MRPL48: variants seen among roughly 807,000 people sequenced by gnomAD.
MRPL48 encodes mitochondrial ribosomal protein L48.
In MRPL48, 16 loss-of-function variants were observed where a neutral mutation model predicts 32.9. The ratio of observed to expected loss-of-function variants is 0.49; its 90% CI spans 0.33 to 0.74. The LOEUF is 0.74. Among genes scored for constraint, MRPL48 ranks in the 30% least tolerant of loss-of-function variants. The probability of loss-of-function intolerance (pLI) is 0.02; values close to 1 mark genes in which losing one functional copy is unlikely to be tolerated. For missense variants in MRPL48, 206 were observed against 245.3 expected (o/e 0.84, Z 1.07); for synonymous variants, 94 against 89.2 (o/e 1.05, Z -0.31).
intron 3 of MRPL48, among the ~76,000 whole-genome samples, 161 bp downstream of exon 3, chr11:73,808,511 C>T (rs1011387279): frequency 1.3e-5 from 2 of 152,208 alleles, no homozygotes; most frequent in African/African-American, 4.8e-5. Context: ...TGGGTGAGAA[C>T]ATCAAGTAGT....
intron 1 of MRPL48, among the ~76,000 whole-genome samples, chr11:73,802,841 A>G (rs1429657857): frequency 6.6e-6 from 1 of 152,074 alleles, no homozygotes; most frequent in Non-Finnish European, 1.5e-5. Flanking sequence ...CTGGGATCAC[A>G]GGTGTGCACC....
intron 7 of MRPL48, 139 bp downstream of exon 7, chr11:73,863,400 C>T (rs1043948469): frequency 2.7e-6 from 2 of 739,666 alleles, no homozygotes; most frequent in Non-Finnish European, 4.4e-6. Flanking sequence ...AAAAGTTGTA[C>T]ACTCTGATGA....
chr11:73,796,138 C>T (rs1947250295), intron 1 of MRPL48, among the ~76,000 whole-genome samples: 1 of 152,178 alleles, frequency 6.6e-6, no homozygotes, highest in South Asian at 2.1e-4. Context: ...CGAGTTGGGG[C>T]GGTGCCCAAG....
intron 4 of MRPL48, among the ~76,000 whole-genome samples, chr11:73,831,071 C>T (rs1374940758): frequency 6.6e-6 from 1 of 151,998 alleles, no homozygotes; most frequent in African/African-American, 2.4e-5. Flanking sequence ...AACTCCTGAC[C>T]TCAGGTGATC....
In MRPL48 at chr11:73,844,949, A is replaced by G. The variant is rs973702732; in HGVS notation, c.344A>G (p.Asn115Ser). ...GCCCAGTATGTTCACAACCTCTGCA[A>G]CTCTCTCTCCATTAAAGTCGAGGAA... is the stretch of plus-strand genomic sequence containing the variant. ...SYAQYVHNLC[N>S]SLSIKVEESY... Residue 115 changes from asparagine (N) to serine (S), a missense_variant, in exon 5 of 8, where the codon AAC (asparagine) becomes AGC (serine). Transcript: ENST00000310614. 24 of 1,610,304 alleles carry G rather than the reference A, an allele frequency of 1.5e-5. No homozygotes were observed. The Admixed American group carries it at 1.5e-4, about 10-fold the overall frequency.
At chr11:73,820,355 G>A (rs1337152091) in intron 3 of MRPL48, among the ~76,000 whole-genome samples, 1 of 152,122 alleles carries the variant, frequency 6.6e-6, no homozygotes, top group South Asian at 2.1e-4. Flanking sequence ...TTCCTGAGTA[G>A]CAGGGACTAC....
intron 3 of MRPL48, among the ~76,000 whole-genome samples, chr11:73,810,686 T>C (rs996123614): frequency 6.6e-6 from 1 of 151,926 alleles, no homozygotes; most frequent in Admixed American, 6.6e-5. Context: ...TAGGTATTTC[T>C]CCTAATGTTA....
chr11:73,802,857 G>A (rs1018287724), intron 1 of MRPL48, among the ~76,000 whole-genome samples: 2 of 151,194 alleles, frequency 1.3e-5, no homozygotes, highest in African/African-American at 4.9e-5. Flanking sequence ...GCACCACCAC[G>A]CCTGGCTAAT....
chr11:73,824,134 A>G (rs545568020), intron 3 of MRPL48, among the ~76,000 whole-genome samples: 2 of 152,018 alleles, frequency 1.3e-5, no homozygotes, highest in African/African-American at 4.8e-5. Context: ...GATTACAGCC[A>G]TGAGCCACCG....
chr11:73,790,883 T>TA (rs1443507775), intron 1 of MRPL48, among the ~76,000 whole-genome samples: 1 of 143,906 alleles, frequency 6.9e-6, no homozygotes, highest in African/African-American at 2.5e-5. Flanking sequence ...TTCTGTTCTT[T>TA]TTTTTTTTTT....
chr11:73,816,144 C>T (rs1947666490), intron 3 of MRPL48, among the ~76,000 whole-genome samples: 1 of 151,886 alleles, frequency 6.6e-6, no homozygotes, highest in African/African-American at 2.4e-5. Flanking sequence ...TCACTGTAAG[C>T]TCCACCTCCC....
chr11:73,847,112 TA>T (rs1948306765), intron 5 of MRPL48, among the ~76,000 whole-genome samples: 1 of 152,122 alleles, frequency 6.6e-6, no homozygotes, highest in African/African-American at 2.4e-5. Flanking sequence ...TGTTTAACTT[TA>T]TAAGAAATTG....
intron 3 of MRPL48, among the ~76,000 whole-genome samples, chr11:73,810,288 G>A (rs546402019): frequency 9.9e-5 from 15 of 152,140 alleles, no homozygotes; most frequent in Non-Finnish European, 1.9e-4. Context: ...TTGGCAGGCC[G>A]AGATGGGCGG....
In MRPL48 at chr11:73,864,492, G is replaced by A. The variant is rs1948635808; in HGVS notation, c.*122G>A. ...GATTTCATAAGTACCCATTCCCATA[G>A]CCAGTAATGTCCTCACTCCTCTGTG... On this transcript the variant is annotated 3_prime_UTR_variant, in exon 8 of 8. Coordinates refer to ENST00000310614, the MANE Select transcript of MRPL48 (RefSeq NM_016055.6). 1 of 924,714 alleles carries A rather than the reference G, an allele frequency of 1.1e-6. No individual in the cohort carries two copies. Among genetic ancestry groups the A allele is most frequent in the Admixed American group, 2.2e-5 (1 of 46,488 alleles). 57.3% of individuals were successfully genotyped at this position (924,714 alleles called of 1,614,324 possible).
intron 4 of MRPL48, among the ~76,000 whole-genome samples, chr11:73,833,457 G>A (rs1340326439): frequency 6.6e-6 from 1 of 151,866 alleles, no homozygotes; most frequent in South Asian, 2.1e-4. Context: ...AAGTACTTTG[G>A]CATCCATTAT....
chr11:73,792,020 G>A (rs1488946179), intron 1 of MRPL48, among the ~76,000 whole-genome samples: 1 of 152,144 alleles, frequency 6.6e-6, no homozygotes, highest in Non-Finnish European at 1.5e-5. Flanking sequence ...AGCCTCCTGG[G>A]TTGCTGGGAT....
chr11:73,856,367 T>C (rs974152123), intron 5 of MRPL48, among the ~76,000 whole-genome samples: 1 of 152,202 alleles, frequency 6.6e-6, no homozygotes, highest in African/African-American at 2.4e-5. Context: ...ATGATTGCCA[T>C]GACCTTGAGA....
intron 1 of MRPL48, among the ~76,000 whole-genome samples, chr11:73,790,680 G>C (rs1310694869): frequency 1.3e-5 from 2 of 151,690 alleles, no homozygotes; most frequent in East Asian, 3.9e-4. Flanking sequence ...AACCGTGCCT[G>C]GCCGCTCAGC....
intron 3 of MRPL48, chr11:73,817,748 C>A: frequency 3.2e-6 from 1 of 308,388 alleles, no homozygotes; most frequent in Non-Finnish European, 6.5e-6. Context: ...CTTGAAAGCA[C>A]ACAGTTTTGT....
Sources: allele counts gnomAD v4.1 joint callset (sites outside exome capture counted in the v4.1 genomes callset), GRCh38; gene constraint gnomAD v4.1.1; transcripts MANE v1.5; gene names NCBI Gene and HGNC (gene_info 2026-07-23, HGNC 2026-07-21).